The following CACNA1A variants were observed in gnomAD, a reference collection of about 807,000 sequenced individuals.
CACNA1A encodes calcium voltage-gated channel subunit alpha1 A.
A neutral mutation model predicts 262.4 loss-of-function variants in CACNA1A; 57 were observed. The observed-to-expected ratio is 0.22, with a 90% confidence interval of 0.18 to 0.27. The LOEUF is 0.27. Among genes scored for constraint, CACNA1A ranks in the 10% least tolerant of loss-of-function variants. The pLI, the probability that CACNA1A is intolerant of heterozygous loss-of-function variation, is 1.00. For missense variants in CACNA1A, 2,526 were observed against 3,562.8 expected, an observed-to-expected ratio of 0.71 and a Z score of 7.41; for synonymous variants, 1,431 against 1,419.3, an observed-to-expected ratio of 1.01 and a Z score of -0.18.
intron 19 of CACNA1A, among the ~76,000 whole-genome samples, chr19:13,290,226 A>G (rs973294039): frequency 2.6e-5 from 4 of 151,744 alleles, no homozygotes; most frequent in African/African-American, 9.7e-5. Context: ...GTGAGCCACC[A>G]TTTCTGGCCT....
At position 13,402,454 on chromosome 19, in the gene CACNA1A, G is replaced by A. The variant is rs529717228; in HGVS notation, c.540-30675C>T. Among the ~76,000 whole-genome samples, 6 of 151,852 alleles carry A rather than the reference G, an allele frequency of 4.0e-5. No individual in the cohort carries two copies. The South Asian group carries it at 1.2e-3, about 32-fold the overall frequency. On this transcript the variant is annotated intron_variant, in intron 3 of 46. Transcript: ENST00000360228. ...GTGCAGTGTATACTGCCCGGGTGAT[G>A]GGTGCACCAGGTTCTCACAAATCTC...
At chr19:13,324,008 A>T (rs993162660) in intron 10 of CACNA1A, among the ~76,000 whole-genome samples, 1 of 152,338 alleles carries the variant, frequency 6.6e-6, no homozygotes, top group East Asian at 1.9e-4. Context: ...ACAATGGATG[A>T]ATGGATAAAG....
At chr19:13,349,007 C>CAA (rs60884577) in intron 6 of CACNA1A, among the ~76,000 whole-genome samples, 9,879 of 58,948 alleles carry the variant, frequency 0.17, 818 homozygotes, top group South Asian at 0.24. Flanking sequence ...GACGCTGTCT[C>CAA]AAAAAAAAAA....
In CACNA1A at chr19:13,308,606, C is replaced by A. The variant is rs1288750417; in HGVS notation, c.1669-78G>T. 8 of 879,172 alleles carry A rather than the reference C, an allele frequency of 9.1e-6. No homozygotes were observed. The highest frequency in any genetic ancestry group is 1.4e-5 in the Non-Finnish European group (8 of 569,396). 54.5% of individuals were successfully genotyped at this position (879,172 alleles called of 1,614,324 possible). On this transcript the variant is annotated intron_variant, in intron 12 of 46. Transcript: ENST00000360228. The surrounding 1 kb of genome is among the most constrained non-coding windows in gnomAD (Gnocchi z 4.2). ...CTGGCAAGCATTTCCTAGGTACCAA[C>A]CTTGCAAGAACTCAACCAAACTCCT...
rs3816027 is a variant in CACNA1A at position 13,224,618 on chromosome 19, G to A, written c.5731+49C>T. The A allele has an allele frequency of 0.56, 713,938 of 1,283,916 alleles. 202,762 individuals are homozygous for A. Among genetic ancestry groups the A allele is most frequent in the Middle Eastern group, 0.72 (3,920 of 5,482 alleles). The allele number at this position is 1,283,916 out of a possible 1,614,324, so 79.5% of individuals were successfully genotyped here. A position where few individuals can be genotyped will look rare whatever the true frequency, so the allele number is the denominator to read the frequency against. On this transcript the variant is annotated intron_variant, in intron 38 of 46. Transcript: ENST00000360228. ...GTTTGGGGTAGGGAGGGAGATCCCC[G>A]GTTCCACCCTGTCACGCCTGTCTGT...
chr19:13,269,677 G>A (rs532798448), intron 24 of CACNA1A, among the ~76,000 whole-genome samples: 25 of 152,338 alleles, frequency 1.6e-4, no homozygotes, highest in Non-Finnish European at 3.1e-4. Context: ...TGGCCGCCCT[G>A]ATGCATGGGC....
At chr19:13,450,679 T>C (rs1315569805) in intron 3 of CACNA1A, 1 of 152,212 alleles carries the variant, frequency 6.6e-6, no homozygotes, top group African/African-American at 2.4e-5. Context: ...ACACAGGTGT[T>C]TGCTCTATTA....
At chr19:13,378,751 C>A (rs535089503) in intron 3 of CACNA1A, among the ~76,000 whole-genome samples, 24 of 151,782 alleles carry the variant, frequency 1.6e-4, no homozygotes, top group Non-Finnish European at 2.9e-4. Flanking sequence ...CAATCTCCCC[C>A]CCGCCTCCCA....
chr19:13,247,422 G>C (rs745837664), intron 30 of CACNA1A, among the ~76,000 whole-genome samples: 11 of 152,196 alleles, frequency 7.2e-5, no homozygotes, highest in African/African-American at 2.7e-4. Flanking sequence ...GGCCGGGCGC[G>C]GTGGCTCACG....
chr19:13,267,314 T>C (rs1015365821), intron 24 of CACNA1A, among the ~76,000 whole-genome samples: 5 of 151,972 alleles, frequency 3.3e-5, no homozygotes, highest in African/African-American at 7.3e-5. Flanking sequence ...CGGGCAGCAG[T>C]TGGGGGAGCC....
intron 24 of CACNA1A, chr19:13,274,941 GC>G (rs1249393412): frequency 6.6e-6 from 1 of 151,744 alleles, no homozygotes; most frequent in African/African-American, 2.4e-5. Context: ...TAGCATGGTA[GC>G]CCAGAAATCA....
chr19:13,212,827 T>G lies in CACNA1A; in HGVS notation c.5941-87A>C. The G allele has an allele frequency of 3.9e-6, 2 of 517,668 alleles. No homozygotes were observed. The highest frequency in any genetic ancestry group is 3.4e-6 in the Non-Finnish European group (1 of 296,156). 32.1% of individuals were successfully genotyped at this position (517,668 alleles called of 1,614,324 possible). A position where few individuals can be genotyped will look rare whatever the true frequency, so the allele number is the denominator to read the frequency against. ...AGAAGGCATTGCGACATCCCCAGTA[T>G]ACACACACACACACACACACACTCT... On this transcript the variant is annotated intron_variant, in intron 40 of 46. Coordinates refer to ENST00000360228, the MANE Select transcript of CACNA1A (RefSeq NM_001127222.2). The surrounding 1 kb of genome is among the most constrained non-coding windows in gnomAD (Gnocchi z 5.6).
chr19:13,454,304 C>T (rs1368531132), intron 2 of CACNA1A, among the ~76,000 whole-genome samples: 1 of 151,628 alleles, frequency 6.6e-6, no homozygotes, highest in Non-Finnish European at 1.5e-5. Flanking sequence ...CAGCCACACC[C>T]TTCTCCTATA....
intron 19 of CACNA1A, among the ~76,000 whole-genome samples, chr19:13,288,980 C>T (rs1568498123): frequency 2.0e-5 from 3 of 152,192 alleles, no homozygotes; most frequent in Non-Finnish European, 2.9e-5. Context: ...TCTATGAATA[C>T]TTCCCGGAAG....
At chr19:13,497,522 ATATATATATATATATATATATATATAT>A (rs1398003050) in intron 1 of CACNA1A, among the ~76,000 whole-genome samples, 4 of 1,050 alleles carry the variant, frequency 3.8e-3, no homozygotes, top group Non-Finnish European at 6.1e-3. Flanking sequence ...AAAAAAAAAA[ATATATATATATATATATATATATATAT>A]ATATATATAT....
rs373664836 is a variant in CACNA1A at position 13,464,764 on chromosome 19, GGTCTCGA to G, written c.294-9559_294-9553del. ...GGGGTTTCACCGTGTTAGCCAGGGT[GGTCTCGA>G]TCTCCTGACCTTGTGATCTGCCCAC... On this transcript the variant is annotated intron_variant, in intron 1 of 46. Coordinates refer to ENST00000360228, the MANE Select transcript of CACNA1A (RefSeq NM_001127222.2). 2.4e-4 allele frequency among the ~76,000 whole-genome samples: 36 copies of G among 151,860 alleles called. No homozygotes were observed. The East Asian group carries it at 6.0e-3, about 25-fold the overall frequency.
intron 4 of CACNA1A, among the ~76,000 whole-genome samples, chr19:13,367,972 C>T (rs994837053): frequency 2.0e-5 from 3 of 152,060 alleles, no homozygotes; most frequent in Non-Finnish European, 4.4e-5. Context: ...CTGAAATTCG[C>T]ATCCTGCACT....
chr19:13,207,639 C>T lies in CACNA1A; in HGVS notation c.7195G>A (p.Glu2399Lys), dbSNP rs769038592. The T allele has an allele frequency of 4.1e-6, 6 of 1,475,800 alleles. No individual in the cohort carries two copies. The highest frequency in any genetic ancestry group is 3.6e-6 in the Non-Finnish European group (4 of 1,114,274). The allele number at this position is 1,475,800 out of a possible 1,614,324, so 91.4% of individuals were successfully genotyped here. Residue 2399 changes from glutamate to lysine, a missense_variant, in exon 47 of 47, where the codon GAG (glutamate) becomes AAG (lysine). By Grantham distance (56) the Glu-to-Lys change is moderately conservative (BLOSUM62 1). Coordinates refer to ENST00000360228, the MANE Select transcript of CACNA1A (RefSeq NM_001127222.2). The surrounding 1 kb of genome is among the most constrained non-coding windows in gnomAD (Gnocchi z 5.7). Reference sequence around the variant, plus strand: ...TGGTGCCGGGGACCCGGGGGCCCCTCGGACACGTGCGGGCCAGATGCCGGC... The same window carrying T: ...TGGTGCCGGGGACCCGGGGGCCCCTTGGACACGTGCGGGCCAGATGCCGGC... ...RWPASGPHVS[E>K]GPPGPRHHGY...
chr19:13,403,518 G>A (rs773724147), intron 3 of CACNA1A, among the ~76,000 whole-genome samples: 8 of 152,206 alleles, frequency 5.3e-5, no homozygotes, highest in East Asian at 1.9e-4. Context: ...CAACAAACCC[G>A]GGACAAGTGT....
Sources: allele counts gnomAD v4.1 joint callset (sites outside exome capture counted in the v4.1 genomes callset), GRCh38; gene constraint gnomAD v4.1.1; non-coding constraint Gnocchi (gnomAD v3.1); transcripts MANE v1.5; gene names NCBI Gene and HGNC (gene_info 2026-07-23, HGNC 2026-07-21).